PLEC: variants seen among roughly 807,000 people sequenced by gnomAD.
PLEC encodes hemidesmosomal protein 1.
A neutral mutation model predicts 392.8 loss-of-function variants in PLEC; 216 were observed. The ratio of observed to expected loss-of-function variants is 0.55; its 90% CI spans 0.49 to 0.62. The LOEUF (loss-of-function observed/expected upper bound fraction) is 0.62, where lower values mean the gene tolerates loss of function less well. Among genes scored for constraint, PLEC ranks in the 20% least tolerant of loss-of-function variants. The pLI is 0.00. For missense variants in PLEC, 6,863 were observed against 6,563.4 expected, an observed-to-expected ratio of 1.05 and a Z score of -1.58; for synonymous variants, 3,621 against 2,980.6, an observed-to-expected ratio of 1.21 and a Z score of -7.00.
At chr8:143,927,199 C>T in intron 28 of PLEC, 53 bp downstream of exon 28, 5 of 1,589,664 alleles carry the variant, frequency 3.1e-6, no homozygotes, top group Non-Finnish European at 4.3e-6. Context: ...AGCCCGCCAT[C>T]ATCCTGGCAA....
At chr8:143,932,612 C>T (rs536238793) in intron 15 of PLEC, 23 bp downstream of exon 15, 20 of 1,611,714 alleles carry the variant, frequency 1.2e-5, no homozygotes, top group East Asian at 6.7e-5. Flanking sequence ...CCACCTCCCC[C>T]GGCTGGCCCT....
chr8:143,924,628 C>T lies in PLEC; in HGVS notation c.5301G>A (p.Leu1767=). Reference sequence around the variant, plus strand: ...CCTCAGCCCTCGCCTTGCTGGCCAGCAGCACCTCCATCTCGGCCCGCACCT... The same window carrying T: ...CCTCAGCCCTCGCCTTGCTGGCCAGTAGCACCTCCATCTCGGCCCGCACCT... The part of the protein sequence containing the change: ...LAKVRAEMEV[L]LASKARAEEE... The change falls in exon 31 of 32, where the codon CTG becomes CTA. Residue 1767 remains leucine (L), a synonymous_variant. Coordinates refer to ENST00000345136, the MANE Select transcript of PLEC (RefSeq NM_201384.3). 1 of 1,539,652 alleles carries T rather than the reference C, an allele frequency of 6.5e-7. No individual in the cohort carries two copies. The highest frequency in any genetic ancestry group is 8.7e-7 in the Non-Finnish European group (1 of 1,148,946).
upstream of PLEC, chr8:143,953,864 A>T: frequency 6.4e-7 from 1 of 1,567,046 alleles, no homozygotes; most frequent in South Asian, 1.2e-5. Context: ...CCGGGGGAGG[A>T]GCCCGGAGGT....
At chr8:143,964,924 G>A (rs1833014974) in intron 1 of PLEC, among the ~76,000 whole-genome samples, 1 of 152,092 alleles carries the variant, frequency 6.6e-6, no homozygotes, top group Admixed American at 6.5e-5. Context: ...GACCTTTACT[G>A]CAGCTACCTC....
Position 143,935,359 on chromosome 8 carries a change from G to A in PLEC, c.603-46C>T, listed in dbSNP as rs192728679. On this transcript the variant is annotated intron_variant, in intron 6 of 31. Coordinates refer to ENST00000345136, the MANE Select transcript of PLEC (RefSeq NM_201384.3). Reference sequence around the variant, plus strand: ...GTCAGGTGGGTGGGACAAGACCAGCGGCCACACCACACAGGCGGGTGCACA... The same window carrying A: ...GTCAGGTGGGTGGGACAAGACCAGCAGCCACACCACACAGGCGGGTGCACA... The A allele has an allele frequency of 7.0e-5, 94 of 1,349,000 alleles. No individual in the cohort carries two copies. In the Admixed American group the frequency reaches 1.4e-3, roughly 20 times the overall value. The allele number at this position is 1,349,000 out of a possible 1,614,324, so 83.6% of individuals were successfully genotyped here.
At chr8:143,953,919 A>C (rs559474186), upstream of PLEC, 2 of 1,449,740 alleles carry the variant, frequency 1.4e-6, no homozygotes, top group East Asian at 5.2e-5. Context: ...CAGCTGATCA[A>C]TGCGCCGGAC....
upstream of PLEC, among the ~76,000 whole-genome samples, chr8:143,953,157 G>T (rs1181722321): frequency 6.6e-6 from 1 of 151,422 alleles, no homozygotes; most frequent in Non-Finnish European, 1.5e-5. Context: ...AGCACTGGGA[G>T]GGCCAGGGTG....
chr8:143,926,688 C>T (rs561311113), intron 30 of PLEC, 96 bp downstream of exon 30: 50 of 1,036,384 alleles, frequency 4.8e-5, no homozygotes, highest in African/African-American at 2.2e-4. Context: ...GGGAGGGCCA[C>T]GAGAGGTGGC....
chr8:143,932,652 G>A lies in PLEC; in HGVS notation c.1798C>T (p.Gln600Ter). 1 of 1,610,904 alleles carries A rather than the reference G, an allele frequency of 6.2e-7. No individual in the cohort carries two copies. Among genetic ancestry groups the A allele is most frequent in the Non-Finnish European group, 8.5e-7 (1 of 1,179,220 alleles). The change falls in exon 15 of 32, where the codon CAG becomes TAG. Residue 600 changes from glutamine to a stop codon, truncating the protein, a stop_gained. Coordinates refer to ENST00000345136, the MANE Select transcript of PLEC (RefSeq NM_201384.3). LOFTEE classifies it high-confidence loss of function. ...CCACTCACCAGCAGCTTGGCGTACTGCAGGTCCAGCCGACCCAGGCAGTCA... is the reference window on the plus strand; with the variant it reads ...CCACTCACCAGCAGCTTGGCGTACTACAGGTCCAGCCGACCCAGGCAGTCA... The part of the protein sequence containing the change: ...YRDCLGRLDL[Q>*]YAKLLNSSKA...
At chr8:143,928,258 C>T (rs1296964557) in intron 25 of PLEC, among the ~76,000 whole-genome samples, 1 of 152,230 alleles carries the variant, frequency 6.6e-6, no homozygotes, top group Non-Finnish European at 1.5e-5. Context: ...CCCAAGGCCC[C>T]GAGACAGGAC....
chr8:143,936,009 T>C lies in PLEC; in HGVS notation c.441A>G (p.Ser147=), dbSNP rs1828952433. 2 of 1,611,654 alleles carry C rather than the reference T, an allele frequency of 1.2e-6. No homozygotes were observed. Among genetic ancestry groups the C allele is most frequent in the Non-Finnish European group, 1.7e-6 (2 of 1,179,922 alleles). ...IWTIILHFQI[S]DIQVSGQSED... is the part of the protein sequence containing the mutation. Reference sequence around the variant, plus strand: ...CCGACTGCCCACTCACCTGGATATCTGAGATCTGCTCACAGCAGAGAGGAG... The same window carrying C: ...CCGACTGCCCACTCACCTGGATATCCGAGATCTGCTCACAGCAGAGAGGAG... The change falls in exon 6 of 32, where the codon TCA becomes TCG. Residue 147 remains serine, a synonymous_variant. Transcript: ENST00000345136.
At position 143,921,233 on chromosome 8, in the gene PLEC, G is replaced by A. The variant is rs374046943; in HGVS notation, c.8588C>T (p.Thr2863Met). The A allele has an allele frequency of 2.0e-5, 32 of 1,614,148 alleles. No homozygotes were observed. In the African/African-American group the frequency reaches 2.0e-4, roughly 10 times the overall value. The change falls in exon 32 of 32, where the codon ACG (threonine) becomes ATG (methionine). Residue 2863 changes from threonine (T) to methionine (M), a missense_variant. Physicochemically the swap from Thr to Met is moderately conservative, Grantham distance 81. Coordinates refer to ENST00000345136, the MANE Select transcript of PLEC (RefSeq NM_201384.3). ...FFDPNTHENL[T>M]YLQLLERCVE... ...GCAGCGCTCCAGTAGCTGCAGGTAC[G>A]TGAGGTTCTCGTGCGTGTTGGGGTC...
chr8:143,950,704 C>A (rs868982633), exon 1 of PLEC: 1 of 1,561,606 alleles, frequency 6.4e-7, no homozygotes, highest in Non-Finnish European at 8.6e-7. Context: ...TGCCGGCCAC[C>A]ATGGCTGCTG....
At chr8:143,937,319 G>T (rs1383986105) in intron 3 of PLEC, 77 bp from the exon 4 acceptor site, 1 of 1,091,238 alleles carries the variant, frequency 9.2e-7, no homozygotes, top group Non-Finnish European at 1.4e-6. Flanking sequence ...CCAAAGCGCC[G>T]CAGCAACCGA....
Position 143,920,916 on chromosome 8 carries a change from T to TCTGCTC in PLEC, c.8899_8904dup (p.Glu2967_Gln2968dup), listed in dbSNP as rs782298339. The TCTGCTC allele has an allele frequency of 3.1e-6, 5 of 1,612,560 alleles. No individual in the cohort carries two copies. In the African/African-American group the frequency reaches 6.7e-5, roughly 22 times the overall value. ...AGGCCCTCAAAGCAAAGCCGGCCCTTCTGCTCCTGCTCCTCCACCACCGTG... is the reference window on the plus strand; with the variant it reads ...AGGCCCTCAAAGCAAAGCCGGCCCTTCTGCTCCTGCTCCTGCTCCTCCACCACCGTG... On this transcript the variant is annotated inframe_insertion, in exon 32 of 32. Transcript: ENST00000345136.
In PLEC at chr8:143,916,466, C is replaced by T. The variant is rs782264132; in HGVS notation, c.13355G>A (p.Arg4452His). ...CCCCGTGCCCTCCTCCACCATGCTG[C>T]GGTCCAGCGCGTCCTTATAGGAGAT... ...LKISYKDALD[R>H]SMVEEGTGLR... The change falls in exon 32 of 32, where the codon CGC becomes CAC. Residue 4452 changes from arginine (R) to histidine (H), a missense_variant. Physicochemically the swap from Arg to His is conservative, Grantham distance 29. Transcript: ENST00000345136. The T allele has an allele frequency of 3.7e-5, 59 of 1,611,764 alleles. No individual in the cohort carries two copies. The highest frequency in any genetic ancestry group is 2.2e-4 in the South Asian group (20 of 91,088).
Position 143,924,312 on chromosome 8 carries a change from C to T in PLEC, c.5617G>A (p.Glu1873Lys), listed in dbSNP as rs367715409. Residue 1873 changes from glutamate to lysine, a missense_variant, in exon 31 of 32, where the codon GAG (glutamate) becomes AAG (lysine). Glu to Lys is a moderately conservative substitution (Grantham distance 56). Coordinates refer to ENST00000345136, the MANE Select transcript of PLEC (RefSeq NM_201384.3). ...TCCAGCCGCCGCCGCTGGAAGGCCTCGTCCTCCGCCAGCCGCCGCAGGCGC... is the reference window on the plus strand; with the variant it reads ...TCCAGCCGCCGCCGCTGGAAGGCCTTGTCCTCCGCCAGCCGCCGCAGGCGC... ...NERLRRLAEDEAFQRRRLEEQ... is the reference protein window; with the variant it reads ...NERLRRLAEDKAFQRRRLEEQ... 5.1e-5 allele frequency: 81 copies of T among 1,594,632 alleles called. No individual in the cohort carries two copies. The highest frequency in any genetic ancestry group is 8.8e-5 in the South Asian group (8 of 90,712).
Position 143,961,248 on chromosome 8 carries a change from C to CAA in PLEC, c.70+12154_70+12155insTT, listed in dbSNP as rs533605253. On this transcript the variant is annotated intron_variant, in intron 1 of 31. Coordinates refer to the PLEC transcript ENST00000356346. The stretch of plus-strand genomic sequence containing the variant: ...GAAATTCCTTTTTTTTTTTTTGAGA[C>CAA]AGAGTCTTGCCCTGTCGCCCAGGCT... Among the ~76,000 whole-genome samples, 157 of 148,014 alleles carry CAA rather than the reference C, an allele frequency of 1.1e-3. No individual in the cohort carries two copies. The South Asian group carries it at 0.019, about 18-fold the overall frequency.
Position 143,930,286 on chromosome 8 carries a change from T to C in PLEC, c.2470A>G (p.Lys824Glu), listed in dbSNP as rs1554713462. The C allele has an allele frequency of 1.2e-6, 2 of 1,603,198 alleles. No individual in the cohort carries two copies. Among genetic ancestry groups the C allele is most frequent in the Non-Finnish European group, 1.7e-6 (2 of 1,178,760 alleles). The change falls in exon 21 of 32, where the codon AAG becomes GAG. Residue 824 changes from lysine to glutamate, a missense_variant. Coordinates refer to ENST00000345136, the MANE Select transcript of PLEC (RefSeq NM_201384.3). Reference protein sequence around the residue: ...DYKQVEVTVHKGDECQLVGPA... With the variant: ...DYKQVEVTVHEGDECQLVGPA... The stretch of plus-strand genomic sequence containing the variant: ...CCCACCAGCTGGCACTCGTCACCCT[T>C]GTGCACAGTCACCTGGGACGGGCAG...
Sources: allele counts gnomAD v4.1 joint callset (sites outside exome capture counted in the v4.1 genomes callset), GRCh38; gene constraint gnomAD v4.1.1; transcripts MANE v1.5; gene names NCBI Gene and HGNC (gene_info 2026-07-23, HGNC 2026-07-21).